The following ROR2 variants were observed in gnomAD, a reference collection of about 807,000 sequenced individuals.
The protein encoded by ROR2 is ROR family WNT receptor 2.
ROR2 carries 33 observed loss-of-function variants against 74.9 expected under a neutral mutation model. That is an observed-to-expected ratio of 0.44 (90% CI 0.33 to 0.59). ROR2 has a LOEUF of 0.59. Ranked by LOEUF, ROR2 falls within the 20% of genes least tolerant of loss-of-function variation. The pLI, the probability that ROR2 is intolerant of heterozygous loss-of-function variation, is 0.02. For synonymous variants in ROR2, 586 were observed against 558.7 expected (o/e 1.05, Z -0.69); for missense variants, 1,216 against 1,313.8 (o/e 0.93, Z 1.15).
At chr9:91,785,690 C>G (rs1024783849) in intron 1 of ROR2, among the ~76,000 whole-genome samples, 1 of 152,136 alleles carries the variant, frequency 6.6e-6, no homozygotes, top group African/African-American at 2.4e-5. Context: ...AGGCCAATGA[C>G]AGTGTCACAG....
chr9:91,843,995 C>A (rs1828854928), intron 1 of ROR2, among the ~76,000 whole-genome samples: 2 of 152,252 alleles, frequency 1.3e-5, no homozygotes, highest in South Asian at 4.1e-4. Context: ...AACAGCCACT[C>A]TGGCACTAAC....
intron 1 of ROR2, among the ~76,000 whole-genome samples, chr9:91,796,687 G>T (rs1251912608): frequency 1.3e-5 from 2 of 152,054 alleles, no homozygotes; most frequent in Non-Finnish European, 2.9e-5. Context: ...TGGGCTAGTA[G>T]ATGGGGCTGA....
chr9:91,915,329 A>G (rs1368125489), intron 1 of ROR2, among the ~76,000 whole-genome samples: 2 of 152,154 alleles, frequency 1.3e-5, no homozygotes, highest in African/African-American at 2.4e-5. Context: ...GTGCATTTCC[A>G]TCTCCCAATG....
chr9:91,758,087 A>C (rs1208822891), intron 2 of ROR2, among the ~76,000 whole-genome samples: 3 of 152,200 alleles, frequency 2.0e-5, no homozygotes, highest in Non-Finnish European at 4.4e-5. Context: ...CTTGGCACTA[A>C]ATAGACCAAG....
intron 1 of ROR2, among the ~76,000 whole-genome samples, chr9:91,823,357 C>T (rs577332013): frequency 7.3e-5 from 11 of 149,722 alleles, no homozygotes; most frequent in East Asian, 5.8e-4. Context: ...TTTTTCAAGA[C>T]GGAATCTTGC....
intron 2 of ROR2, among the ~76,000 whole-genome samples, chr9:91,767,907 C>T (rs911222408): frequency 2.6e-5 from 4 of 152,306 alleles, no homozygotes; most frequent in African/African-American, 7.2e-5. Flanking sequence ...CCCCGCAACC[C>T]GTGAGTGTAA....
intron 1 of ROR2, among the ~76,000 whole-genome samples, chr9:91,830,664 T>C (rs1828435055): frequency 6.9e-6 from 1 of 144,252 alleles, no homozygotes; most frequent in South Asian, 2.2e-4. Context: ...GAAATGGAGC[T>C]TCGAGTTTAT....
Position 91,905,331 on chromosome 9 carries a change from C to T in ROR2, c.97+44536G>A, listed in dbSNP as rs570128561. ...ACACCACACACATACAATCATACCA[C>T]ACAACACATACACAACCATCACACA... On this transcript the variant is annotated intron_variant, in intron 1 of 8. Coordinates refer to ENST00000375708, the MANE Select transcript of ROR2 (RefSeq NM_004560.4). The surrounding 1 kb of genome is among the most constrained non-coding windows in gnomAD (Gnocchi z 5.3). Among the ~76,000 whole-genome samples the T allele has an allele frequency of 3.6e-3, 545 of 151,424 alleles. 7 individuals are homozygous for T. The highest frequency in any genetic ancestry group is 6.1e-4 in the Non-Finnish European group (41 of 67,754).
rs967630235 is a variant in ROR2, at chr9:91,732,171, G to A, written c.937+951C>T. 2.0e-5 allele frequency among the ~76,000 whole-genome samples: 3 copies of A among 152,194 alleles called. No individual in the cohort carries two copies. In the East Asian group the frequency reaches 5.8e-4, roughly 29 times the overall value. On this transcript the variant is annotated intron_variant, in intron 6 of 8. Transcript: ENST00000375708. ...CAACGATGCTAAATACAGCCCCGGAGCTGTGGCGGAGGTGGCCCGTTCCCT... is the reference window on the plus strand; with the variant it reads ...CAACGATGCTAAATACAGCCCCGGAACTGTGGCGGAGGTGGCCCGTTCCCT...
At chr9:91,812,920 C>T (rs1186185963) in intron 1 of ROR2, among the ~76,000 whole-genome samples, 1 of 152,252 alleles carries the variant, frequency 6.6e-6, no homozygotes, top group African/African-American at 2.4e-5. Flanking sequence ...GTTTGTGGTT[C>T]TTTTTCACAT....
intron 1 of ROR2, among the ~76,000 whole-genome samples, chr9:91,851,966 ACT>A (rs1437038092): frequency 3.0e-4 from 39 of 131,112 alleles, no homozygotes; most frequent in African/African-American, 1.2e-3. Flanking sequence ...ACGGTGCAAG[ACT>A]CTGTTAAAAA....
At chr9:91,904,349 A>G (rs1830756851) in intron 1 of ROR2, among the ~76,000 whole-genome samples, 1 of 152,282 alleles carries the variant, frequency 6.6e-6, no homozygotes, top group Admixed American at 6.5e-5. Flanking sequence ...GGATGCCACA[A>G]GTTTAGCGGG....
intron 1 of ROR2, among the ~76,000 whole-genome samples, chr9:91,871,848 G>C (rs556173547): frequency 3.7e-4 from 56 of 152,116 alleles, no homozygotes; most frequent in Non-Finnish European, 6.3e-4. Context: ...GACCCCCCCA[G>C]CACCCAACAG....
At position 91,821,100 on chromosome 9, in the gene ROR2, CA is replaced by C. The variant is rs34388374; in HGVS notation, c.98-45283del. Among the ~76,000 whole-genome samples the C allele has an allele frequency of 6.9e-3, 857 of 124,318 alleles. 3 individuals are homozygous for C. The highest frequency in any genetic ancestry group is 0.018 in the African/African-American group (614 of 33,606). The allele number at this position is 124,318 out of a possible 152,430, so 81.6% of individuals were successfully genotyped here. On this transcript the variant is annotated intron_variant, in intron 1 of 8. Coordinates refer to ENST00000375708, the MANE Select transcript of ROR2 (RefSeq NM_004560.4). ...TGGGCAACAGAATGAGACTTCGTCT[CA>C]AAAAAAAAAAAAAAGAAGGGGAAGT...
At chr9:91,913,160 C>CA (rs747073689) in intron 1 of ROR2, among the ~76,000 whole-genome samples, 1 of 150,886 alleles carries the variant, frequency 6.6e-6, no homozygotes, top group Non-Finnish European at 1.5e-5. Flanking sequence ...AAAAACAAAA[C>CA]AAAAAAAGGC....
At chr9:91,747,884 C>T (rs141893138) in intron 4 of ROR2, among the ~76,000 whole-genome samples, 21 of 152,188 alleles carry the variant, frequency 1.4e-4, no homozygotes, top group African/African-American at 4.1e-4. Flanking sequence ...GTGGAAAAGC[C>T]CTCTGCCAGA....
At chr9:91,795,309 T>C (rs1457149211) in intron 1 of ROR2, among the ~76,000 whole-genome samples, 1 of 152,204 alleles carries the variant, frequency 6.6e-6, no homozygotes, top group Admixed American at 6.5e-5. Context: ...AGCTGATGTC[T>C]GATTTCTACA....
At chr9:91,914,874 C>G (rs1831089834) in intron 1 of ROR2, among the ~76,000 whole-genome samples, 1 of 152,162 alleles carries the variant, frequency 6.6e-6, no homozygotes, top group African/African-American at 2.4e-5. Flanking sequence ...CAGCTGCTTT[C>G]CTAAATTCTG....
chr9:91,802,926 G>A (rs986260192), intron 1 of ROR2, among the ~76,000 whole-genome samples: 3 of 152,008 alleles, frequency 2.0e-5, no homozygotes, highest in Non-Finnish European at 4.4e-5. Flanking sequence ...TATGGCCACC[G>A]AGCACACCGA....
Sources: gnomAD v4.1 joint callset for allele counts (sites outside exome capture counted in the v4.1 genomes callset) on GRCh38, gnomAD v4.1.1 for gene constraint, Gnocchi (gnomAD v3.1) non-coding constraint, MANE v1.5 for transcripts, NCBI Gene and HGNC (gene_info 2026-07-23, HGNC 2026-07-21) for gene names.